NLGN1: variants seen among roughly 807,000 people sequenced by gnomAD.
NLGN1 encodes the protein neuroligin 1, also known as neuroligin-1.
Under a neutral mutation model 65.5 loss-of-function variants are expected in NLGN1, and 12 were observed. The ratio of observed to expected loss-of-function variants is 0.18; its 90% CI spans 0.12 to 0.30. NLGN1 has a LOEUF of 0.30. Ranked by LOEUF, NLGN1 falls within the 10% of genes least tolerant of loss-of-function variation. NLGN1 has a pLI of 1.00. For synonymous variants in NLGN1, 350 were observed against 359.5 expected, an observed-to-expected ratio of 0.97 and a Z score of 0.30; for missense variants, 750 against 1,007.1, an observed-to-expected ratio of 0.74 and a Z score of 3.46.
intron 4 of NLGN1, among the ~76,000 whole-genome samples, chr3:174,080,971 C>T (rs553921618): frequency 5.8e-5 from 8 of 138,424 alleles, no homozygotes; most frequent in South Asian, 2.2e-4. Context: ...ATAGGGGAAG[C>T]GCTCTCCTGC....
intron 4 of NLGN1, among the ~76,000 whole-genome samples, chr3:173,937,952 C>T (rs937010726): frequency 1.3e-5 from 2 of 152,050 alleles, no homozygotes; most frequent in Non-Finnish European, 2.9e-5. Context: ...TGTAGTTGTT[C>T]TGATGTTAAA....
downstream of NLGN1, among the ~76,000 whole-genome samples, chr3:174,286,811 G>A (rs1320634682): frequency 6.6e-6 from 1 of 151,402 alleles, no homozygotes; most frequent in African/African-American, 2.4e-5. Context: ...TTCACCTCTT[G>A]GTGAATGCAG....
intron 3 of NLGN1, among the ~76,000 whole-genome samples, chr3:173,676,655 A>G (rs79015795): frequency 0.021 from 3,254 of 152,180 alleles, 124 homozygotes; most frequent in African/African-American, 0.074. Context: ...ATTGTATTCT[A>G]ATTTTTATTG....
chr3:173,674,018 A>G (rs528278348), intron 3 of NLGN1, among the ~76,000 whole-genome samples: 52 of 152,130 alleles, frequency 3.4e-4, no homozygotes, highest in Non-Finnish European at 6.9e-4. Context: ...TACTTGGCCT[A>G]CACTCTATGG....
intron 4 of NLGN1, among the ~76,000 whole-genome samples, chr3:173,821,729 T>C (rs1720344486): frequency 6.6e-6 from 1 of 152,130 alleles, no homozygotes; most frequent in African/African-American, 2.4e-5. Flanking sequence ...TATAACTTTT[T>C]CCCTGATTCC....
intron 3 of NLGN1, among the ~76,000 whole-genome samples, chr3:173,665,992 G>A (rs1319113235): frequency 6.6e-6 from 1 of 152,064 alleles, no homozygotes; most frequent in Non-Finnish European, 1.5e-5. Flanking sequence ...GACAGAAAAT[G>A]GCTATTCATC....
At chr3:173,819,737 A>C (rs1719829561) in intron 4 of NLGN1, among the ~76,000 whole-genome samples, 1 of 152,132 alleles carries the variant, frequency 6.6e-6, no homozygotes, top group Admixed American at 6.5e-5. Context: ...ATGGTAGATG[A>C]CTCACCACCC....
At chr3:173,608,080 A>T (rs570431900) in intron 3 of NLGN1, among the ~76,000 whole-genome samples, 1 of 151,988 alleles carries the variant, frequency 6.6e-6, no homozygotes, top group Non-Finnish European at 1.5e-5. Context: ...CAAAGAGCAA[A>T]GTATTTTCTG....
intron 4 of NLGN1, among the ~76,000 whole-genome samples, chr3:174,260,840 C>A (rs62291785): frequency 0.14 from 20,185 of 144,342 alleles, 1,592 homozygotes; most frequent in East Asian, 0.44. Context: ...AGTCTTTAAT[C>A]CATCTTGAAT....
intron 4 of NLGN1, among the ~76,000 whole-genome samples, chr3:173,970,259 AT>A (rs1329038254): frequency 1.3e-5 from 2 of 152,190 alleles, no homozygotes; most frequent in African/African-American, 4.8e-5. Context: ...ACAAGTAAAC[AT>A]TAGTGAAGAC....
At chr3:173,875,921 C>T (rs749491119) in intron 4 of NLGN1, among the ~76,000 whole-genome samples, 4 of 152,036 alleles carry the variant, frequency 2.6e-5, no homozygotes, top group Non-Finnish European at 5.9e-5. Context: ...TTAGGAGATG[C>T]TTACAAAGAG....
exon 7 of NLGN1, chr3:174,281,344 G>A (rs981543723): frequency 7.8e-7 from 1 of 1,287,446 alleles, no homozygotes; most frequent in Admixed American, 2.0e-5. Context: ...ATGGATTGCA[G>A]TAAACGATCA....
chr3:174,016,548 C>G (rs963829880), intron 4 of NLGN1, among the ~76,000 whole-genome samples: 1 of 152,068 alleles, frequency 6.6e-6, no homozygotes, highest in Non-Finnish European at 1.5e-5. Context: ...GGGAGTAACA[C>G]CCTCAATGTA....
At chr3:174,166,476 A>G (rs535446826) in intron 4 of NLGN1, among the ~76,000 whole-genome samples, 7 of 152,114 alleles carry the variant, frequency 4.6e-5, no homozygotes, top group East Asian at 3.9e-4. Context: ...TAATTTCCAT[A>G]TAATGGTATG....
At chr3:173,447,610 G>A (rs997561076) in intron 2 of NLGN1, among the ~76,000 whole-genome samples, 1 of 152,172 alleles carries the variant, frequency 6.6e-6, no homozygotes, top group African/African-American at 2.4e-5. Context: ...GTCATTGGTA[G>A]CTTGATGGGG....
chr3:173,820,012 C>T (rs1426508270), intron 4 of NLGN1, among the ~76,000 whole-genome samples: 1 of 151,942 alleles, frequency 6.6e-6, no homozygotes, highest in African/African-American at 2.4e-5. Flanking sequence ...CACGGTGAAA[C>T]CCCGTCTCTA....
In NLGN1 at chr3:173,693,158, C is replaced by G. The variant is rs184409210; in HGVS notation, c.493+88067C>G. 5.6e-3 allele frequency among the ~76,000 whole-genome samples: 852 copies of G among 152,146 alleles called. 6 individuals carry two copies. Among genetic ancestry groups the G allele is most frequent in the Non-Finnish European group, 7.8e-3 (533 of 67,916 alleles). ...ATAACAGAGCAAGTGATTCTGACAT[C>G]TCAAAGCAGAATAAGATAAAATGCT... On this transcript the variant is annotated intron_variant, in intron 3 of 6. Coordinates refer to ENST00000457714, the Ensembl canonical transcript of NLGN1.
intron 4 of NLGN1, among the ~76,000 whole-genome samples, chr3:174,187,909 TAA>T (rs1731708243): frequency 6.6e-6 from 1 of 151,988 alleles, no homozygotes; most frequent in East Asian, 1.9e-4. Context: ...GTGTTTTAGT[TAA>T]CTTTGCCTCC....
chr3:173,630,193 A>G (rs1402318159), intron 3 of NLGN1, among the ~76,000 whole-genome samples: 1 of 152,196 alleles, frequency 6.6e-6, no homozygotes, highest in Non-Finnish European at 1.5e-5. Context: ...AAAAGAGCTT[A>G]AGTGTTTGAC....
Sources: gnomAD v4.1 joint callset for allele counts (sites outside exome capture counted in the v4.1 genomes callset) on GRCh38, gnomAD v4.1.1 for gene constraint, MANE v1.5 for transcripts, NCBI Gene and HGNC (gene_info 2026-07-23, HGNC 2026-07-21) for gene names.